The following PHACTR4 variants were observed in gnomAD, a reference collection of about 807,000 sequenced individuals.
The protein encoded by PHACTR4 is protein phosphatase 1, regulatory subunit 124.
A neutral mutation model predicts 72.7 loss-of-function variants in PHACTR4; 51 were observed. The ratio of observed to expected loss-of-function variants is 0.70; its 90% CI spans 0.56 to 0.89. The LOEUF is 0.89. PHACTR4 is among the 40% of genes least tolerant of loss of function. The pLI is 0.00. For synonymous variants in PHACTR4, 255 were observed against 302.5 expected (o/e 0.84, Z 1.63); for missense variants, 731 against 861.8 (o/e 0.85, Z 1.90).
intron 1 of PHACTR4, among the ~76,000 whole-genome samples, chr1:28,386,126 G>A (rs1236090316): frequency 6.6e-6 from 1 of 151,220 alleles, no homozygotes. Flanking sequence ...CAGAGTCTTG[G>A]TGTGTCACCC....
rs561879121 is a variant in PHACTR4, at chr1:28,386,488, CT to C, written c.-39+16664del. The stretch of plus-strand genomic sequence containing the variant: ...AATCCTGAATATCTTTGTTAATTTT[CT>C]GTCTCGATGATCTAATAATGTCAGT... On this transcript the variant is annotated intron_variant, in intron 1 of 13. Transcript: ENST00000373839. 4.3e-3 allele frequency among the ~76,000 whole-genome samples: 648 copies of C among 152,242 alleles called. 2 individuals carry two copies. Among genetic ancestry groups the C allele is most frequent in the Middle Eastern group, 6.8e-3 (2 of 294 alleles).
chr1:28,467,978 A>C (rs1483443606), intron 6 of PHACTR4, among the ~76,000 whole-genome samples: 1 of 152,198 alleles, frequency 6.6e-6, no homozygotes, highest in Non-Finnish European at 1.5e-5. Flanking sequence ...GTATTGCTTA[A>C]AGTTCTTGTT....
At chr1:28,430,497 T>C (rs902604933) in intron 2 of PHACTR4, among the ~76,000 whole-genome samples, 5 of 152,362 alleles carry the variant, frequency 3.3e-5, no homozygotes, top group African/African-American at 9.6e-5. Flanking sequence ...AATTGTAGGA[T>C]GTTACCTCCC....
chr1:28,444,233 T>TG (rs1657265645), intron 2 of PHACTR4, among the ~76,000 whole-genome samples: 1 of 114,636 alleles, frequency 8.7e-6, no homozygotes, highest in African/African-American at 3.4e-5. Flanking sequence ...TTTTTTTTTT[T>TG]TTTTTTTTTT....
intron 13 of PHACTR4, among the ~76,000 whole-genome samples, chr1:28,493,446 G>A (rs996112658): frequency 1.1e-4 from 16 of 151,606 alleles, no homozygotes; most frequent in African/African-American, 3.9e-4. Context: ...GATGATGCGG[G>A]AGAATCACTT....
chr1:28,465,882 C>T (rs377678154), intron 5 of PHACTR4, 33 bp downstream of exon 5: 1 of 1,584,578 alleles, frequency 6.3e-7, no homozygotes, highest in African/African-American at 1.4e-5. Context: ...GTTTAAGAGC[C>T]ACGGGCCAGT....
intron 9 of PHACTR4, among the ~76,000 whole-genome samples, chr1:28,488,263 C>T (rs543366671): frequency 7.3e-5 from 11 of 150,858 alleles, no homozygotes; most frequent in Non-Finnish European, 1.5e-4. Context: ...TTTGGGAGGC[C>T]GAGGCAGGCG....
chr1:28,480,116 G>A (rs531493542), intron 8 of PHACTR4, among the ~76,000 whole-genome samples: 1 of 152,336 alleles, frequency 6.6e-6, no homozygotes, highest in Admixed American at 6.5e-5. Context: ...GATAGACTAT[G>A]AGGTGTTAGT....
At chr1:28,400,551 T>G (rs1653869951) in intron 1 of PHACTR4, among the ~76,000 whole-genome samples, 1 of 152,158 alleles carries the variant, frequency 6.6e-6, no homozygotes, top group Non-Finnish European at 1.5e-5. Context: ...GGCTCATGCC[T>G]TCAAAAGACC....
chr1:28,473,675 C>G lies in PHACTR4; in HGVS notation c.945C>G (p.Thr315=). The change falls in exon 7 of 14, where the codon ACC becomes ACG. Residue 315 remains threonine, a synonymous_variant. Coordinates refer to ENST00000373839, the MANE Select transcript of PHACTR4 (RefSeq NM_001048183.3). ...CCTTGGAGTCTGCTGCTGCCATCAC[C>G]ACAAAAACACCAAGTGATGAAAGAG... The part of the protein sequence containing the change: ...VPTLESAAAI[T]TKTPSDEREK... 6.2e-7 allele frequency: 1 copy of G among 1,614,080 alleles called. No homozygotes were observed. Among genetic ancestry groups the G allele is most frequent in the Non-Finnish European group, 8.5e-7 (1 of 1,180,006 alleles).
chr1:28,424,682 G>A (rs547283429), intron 2 of PHACTR4, among the ~76,000 whole-genome samples: 3 of 151,702 alleles, frequency 2.0e-5, no homozygotes, highest in South Asian at 4.2e-4. Context: ...TAGAGATGGG[G>A]TTTCACTGTG....
At chr1:28,418,786 A>C (rs751337837) in intron 2 of PHACTR4, among the ~76,000 whole-genome samples, 6 of 151,550 alleles carry the variant, frequency 4.0e-5, no homozygotes, top group Non-Finnish European at 8.8e-5. Context: ...ACCTGTCTCT[A>C]CTAAAAATAC....
At position 28,487,727 on chromosome 1, in the gene PHACTR4, G is replaced by GTTTTTTTTTTTTTT. The variant is rs780028378; in HGVS notation, c.1761-1430_1761-1417dup. On this transcript the variant is annotated intron_variant, in intron 9 of 13. Coordinates refer to ENST00000373839, the MANE Select transcript of PHACTR4 (RefSeq NM_001048183.3). ...AAATGACAAATTGTAGTTTTTTGTT[G>GTTTTTTTTTTTTTT]TTTTTTTTTTTTTTTTTTTTTTTTT... Among the ~76,000 whole-genome samples, 4 of 63,310 alleles carry GTTTTTTTTTTTTTT rather than the reference G, an allele frequency of 6.3e-5. 1 individual carries two copies. Among genetic ancestry groups the GTTTTTTTTTTTTTT allele is most frequent in the African/African-American group, 2.2e-4 (4 of 17,972 alleles). The allele number at this position is 63,310 out of a possible 152,430, so 41.5% of individuals were successfully genotyped here. A position where few individuals can be genotyped will look rare whatever the true frequency, so the allele number is the denominator to read the frequency against.
At chr1:28,440,713 T>C (rs2124408951) in intron 2 of PHACTR4, among the ~76,000 whole-genome samples, 1 of 152,282 alleles carries the variant, frequency 6.6e-6, no homozygotes, top group East Asian at 1.9e-4. Context: ...TCCATTATTA[T>C]GCTATTTATA....
intron 2 of PHACTR4, among the ~76,000 whole-genome samples, chr1:28,411,052 T>G (rs1372174107): frequency 2.6e-5 from 4 of 152,054 alleles, no homozygotes; most frequent in African/African-American, 7.2e-5. Context: ...TTTTGTTTTT[T>G]GGGGGTTTTT....
Position 28,491,739 on chromosome 1 carries a change from T to C in PHACTR4, c.1968T>C (p.Tyr656=). Reference sequence around the variant, plus strand: ...TAGAGGTAACAGATGCTCAAGATTATGACCGGCGAGCCGACAAACCTTGGA... The same window carrying C: ...TAGAGGTAACAGATGCTCAAGATTACGACCGGCGAGCCGACAAACCTTGGA... The part of the protein sequence containing the change: ...EYVEVTDAQD[Y]DRRADKPWTK... The change falls in exon 12 of 14, where the codon TAT becomes TAC. Residue 656 remains tyrosine (Y), a synonymous_variant. Coordinates refer to ENST00000373839, the MANE Select transcript of PHACTR4 (RefSeq NM_001048183.3). 6.2e-7 allele frequency: 1 copy of C among 1,614,186 alleles called. No homozygotes were observed. The highest frequency in any genetic ancestry group is 8.5e-7 in the Non-Finnish European group (1 of 1,180,028).
chr1:28,423,465 C>T (rs757797538), intron 2 of PHACTR4, among the ~76,000 whole-genome samples: 2 of 151,082 alleles, frequency 1.3e-5, no homozygotes, highest in Non-Finnish European at 2.9e-5. Context: ...ATATCTTGCG[C>T]TCTCATAAAA....
chr1:28,397,872 G>T (rs983211096), intron 1 of PHACTR4, among the ~76,000 whole-genome samples: 12 of 151,368 alleles, frequency 7.9e-5, no homozygotes, highest in South Asian at 2.1e-4. Context: ...ATTTTTTGTT[G>T]TTGTTGTTGT....
In PHACTR4 at chr1:28,455,205, T is replaced by C. The variant is rs1378875948; in HGVS notation, c.17-3880T>C. On this transcript the variant is annotated intron_variant, in intron 2 of 13. Coordinates refer to ENST00000373839, the MANE Select transcript of PHACTR4 (RefSeq NM_001048183.3). ...TTTTCTTTTTCTTTCTTTCTTTTTT[T>C]TTTTTTTTTTTTTGAGACAGAGTTT... Among the ~76,000 whole-genome samples the C allele has an allele frequency of 8.3e-4, 119 of 143,736 alleles. 1 individual carries two copies. Among genetic ancestry groups the C allele is most frequent in the Admixed American group, 1.4e-3 (21 of 14,490 alleles). 94.3% of individuals were successfully genotyped at this position (143,736 alleles called of 152,430 possible). A position where few individuals can be genotyped will look rare whatever the true frequency, so the allele number is the denominator to read the frequency against.
Sources: gnomAD v4.1 joint callset for allele counts (sites outside exome capture counted in the v4.1 genomes callset) on GRCh38, gnomAD v4.1.1 for gene constraint, MANE v1.5 for transcripts, NCBI Gene and HGNC (gene_info 2026-07-23, HGNC 2026-07-21) for gene names.